Variants in MYO5B observed in about 807,000 individuals in gnomAD.
MYO5B encodes myosin VB.
Under a neutral mutation model 229.3 loss-of-function variants are expected in MYO5B, and 143 were observed. The ratio of observed to expected loss-of-function variants is 0.62; its 90% CI spans 0.54 to 0.72. The LOEUF (loss-of-function observed/expected upper bound fraction) is 0.72, where lower values mean the gene tolerates loss of function less well. Ranked by LOEUF, MYO5B falls within the 30% of genes least tolerant of loss-of-function variation. MYO5B has a pLI of 0.00. For synonymous variants in MYO5B, 918 were observed against 885.2 expected (o/e 1.04, Z -0.66); for missense variants, 2,321 against 2,331.0 (o/e 1.00, Z 0.09).
intron 4 of MYO5B, among the ~76,000 whole-genome samples, chr18:50,030,285 C>T (rs2026373137): frequency 6.6e-6 from 1 of 152,176 alleles, no homozygotes; most frequent in African/African-American, 2.4e-5. Context: ...TCCTCGCTCC[C>T]TTTCCCTTCT....
rs1390408168 is a variant in MYO5B at position 50,170,567 on chromosome 18, C to G, written c.27+24200G>C. ...CTTTCCTCTTTAAAGTTTCATTTTACCACTATTTTGCTTTCTTCTCACTCC... is the reference window on the plus strand; with the variant it reads ...CTTTCCTCTTTAAAGTTTCATTTTAGCACTATTTTGCTTTCTTCTCACTCC... On this transcript the variant is annotated intron_variant, in intron 1 of 39. Coordinates refer to ENST00000285039, the MANE Select transcript of MYO5B (RefSeq NM_001080467.3). Among the ~76,000 whole-genome samples, 2 of 127,120 alleles carry G rather than the reference C, an allele frequency of 1.6e-5. 1 individual carries two copies. The highest frequency in any genetic ancestry group is 3.3e-5 in the Non-Finnish European group (2 of 59,712). The allele number at this position is 127,120 out of a possible 152,430, so 83.4% of individuals were successfully genotyped here. A position where few individuals can be genotyped will look rare whatever the true frequency, so the allele number is the denominator to read the frequency against.
chr18:49,915,830 C>A (rs775096629), intron 17 of MYO5B, among the ~76,000 whole-genome samples: 8 of 152,216 alleles, frequency 5.3e-5, no homozygotes, highest in Non-Finnish European at 7.3e-5. Context: ...TTTTAACACA[C>A]GCCAGCATGG....
At chr18:50,097,122 C>T in intron 1 of MYO5B, 1 of 425,586 alleles carries the variant, frequency 2.3e-6, no homozygotes, top group East Asian at 7.2e-5. Context: ...TCCTTCCTCC[C>T]CTATCTTTCT....
intron 1 of MYO5B, among the ~76,000 whole-genome samples, chr18:50,154,703 A>G (rs2032652994): frequency 6.6e-6 from 1 of 152,242 alleles, no homozygotes; most frequent in Non-Finnish European, 1.5e-5. Flanking sequence ...TAATTGGGAC[A>G]GGATGACACT....
intron 22 of MYO5B, among the ~76,000 whole-genome samples, chr18:49,884,239 G>T (rs2024619643): frequency 6.6e-6 from 1 of 152,182 alleles, no homozygotes; most frequent in African/African-American, 2.4e-5. Flanking sequence ...TGATACATCA[G>T]CAGTCTCCAA....
At chr18:50,177,186 T>C (rs954797262) in intron 1 of MYO5B, among the ~76,000 whole-genome samples, 1 of 152,164 alleles carries the variant, frequency 6.6e-6, no homozygotes, top group African/African-American at 2.4e-5. Context: ...AAGTGAATTT[T>C]ATCCAAAAAT....
intron 10 of MYO5B, among the ~76,000 whole-genome samples, chr18:49,970,178 C>T (rs763617387): frequency 3.0e-4 from 46 of 152,194 alleles, no homozygotes; most frequent in Admixed American, 5.9e-4. Context: ...CAGCCAAAAG[C>T]TGCCAGGATC....
chr18:50,161,300 C>G (rs2032761386), intron 1 of MYO5B, among the ~76,000 whole-genome samples: 1 of 152,142 alleles, frequency 6.6e-6, no homozygotes, highest in Admixed American at 6.5e-5. Context: ...ATGAGAATCA[C>G]TTGAACTTGG....
intron 1 of MYO5B, among the ~76,000 whole-genome samples, chr18:50,149,239 C>A (rs959165299): frequency 1.3e-5 from 2 of 151,920 alleles, no homozygotes; most frequent in Non-Finnish European, 2.9e-5. Context: ...GAATCAATAT[C>A]GTGAAAATGG....
chr18:50,143,043 G>T (rs74586859), intron 1 of MYO5B, among the ~76,000 whole-genome samples: 1,694 of 152,312 alleles, frequency 0.011, 30 homozygotes, highest in African/African-American at 0.037. Flanking sequence ...TCCAGCCAAG[G>T]GGAATGTGGT....
chr18:49,899,216 C>A (rs1315065425), intron 21 of MYO5B, among the ~76,000 whole-genome samples: 1 of 152,030 alleles, frequency 6.6e-6, no homozygotes, highest in Non-Finnish European at 1.5e-5. Flanking sequence ...CTTGTGTGAC[C>A]AGAGGACCAC....
intron 9 of MYO5B, among the ~76,000 whole-genome samples, chr18:49,976,051 C>T (rs2144285388): frequency 6.6e-6 from 1 of 152,354 alleles, no homozygotes; most frequent in Non-Finnish European, 1.5e-5. Context: ...ATTCTCTCAC[C>T]TGTTTTTCAT....
At chr18:50,072,794 C>G (rs931158908) in intron 1 of MYO5B, among the ~76,000 whole-genome samples, 1 of 152,132 alleles carries the variant, frequency 6.6e-6, no homozygotes, top group South Asian at 2.1e-4. Context: ...ACCAGCTCAC[C>G]GAGATGCCAA....
At chr18:49,915,048 T>G (rs1454241456) in intron 17 of MYO5B, among the ~76,000 whole-genome samples, 1 of 152,106 alleles carries the variant, frequency 6.6e-6, no homozygotes, top group East Asian at 1.9e-4. Context: ...ACGCTTTTCC[T>G]GGTCTGGTGG....
intron 24 of MYO5B, among the ~76,000 whole-genome samples, chr18:49,878,284 T>C (rs2024548859): frequency 6.6e-6 from 1 of 152,182 alleles, no homozygotes; most frequent in Non-Finnish European, 1.5e-5. Context: ...ATGAAAATAG[T>C]AGCATATTAA....
rs869189090 is a variant in MYO5B, at chr18:50,030,876, G to GAAAAAAAAAAAAAAAAAAAAAAAA, written c.455+5950_455+5973dup. Among the ~76,000 whole-genome samples, 16 of 30,500 alleles carry GAAAAAAAAAAAAAAAAAAAAAAAA rather than the reference G, an allele frequency of 5.2e-4. 1 individual carries two copies. The highest frequency in any genetic ancestry group is 2.8e-3 in the South Asian group (1 of 358). The allele number at this position is 30,500 out of a possible 152,430, so 20.0% of individuals were successfully genotyped here. On this transcript the variant is annotated intron_variant, in intron 4 of 39. Transcript: ENST00000285039. ...TCTGCAGCATCCCCACTCCCTTTCA[G>GAAAAAAAAAAAAAAAAAAAAAAAA]AAAAAAAAAAAAAAAAAAAAAAAAA...
intron 22 of MYO5B, among the ~76,000 whole-genome samples, chr18:49,880,818 GCAAACTGTTTAT>G: frequency 6.6e-6 from 1 of 152,176 alleles, no homozygotes; most frequent in East Asian, 1.9e-4. Context: ...TGATCCAATA[GCAAACTGTTTAT>G]CATGAATGCA....
chr18:50,128,794 G>T (rs1047756107), intron 1 of MYO5B, among the ~76,000 whole-genome samples: 3 of 152,190 alleles, frequency 2.0e-5, no homozygotes, highest in Non-Finnish European at 4.4e-5. Flanking sequence ...GTACCAGAAG[G>T]AATGTGAGGA....
intron 2 of MYO5B, among the ~76,000 whole-genome samples, chr18:50,049,896 G>T (rs1394223171): frequency 6.6e-6 from 1 of 152,268 alleles, no homozygotes; most frequent in East Asian, 1.9e-4. Context: ...GGTGGTGATG[G>T]TCACACAACA....
Sources: allele counts gnomAD v4.1 joint callset (sites outside exome capture counted in the v4.1 genomes callset), GRCh38; gene constraint gnomAD v4.1.1; transcripts MANE v1.5; gene names NCBI Gene and HGNC (gene_info 2026-07-23, HGNC 2026-07-21).